The following TF variants were observed in gnomAD, a reference collection of about 807,000 sequenced individuals.
TF encodes serotransferrin.
TF carries 55 observed loss-of-function variants against 82.4 expected under a neutral mutation model. The observed-to-expected ratio is 0.67, with a 90% CI of 0.54 to 0.84. The LOEUF (loss-of-function observed/expected upper bound fraction) is 0.84, where lower values mean the gene tolerates loss of function less well. TF is among the 40% of genes least tolerant of loss of function. The pLI, the probability that TF is intolerant of heterozygous loss-of-function variation, is 0.00. For missense variants in TF, 737 were observed against 868.4 expected (o/e 0.85, Z 1.90); for synonymous variants, 332 against 332.6 (o/e 1.00, Z 0.02).
chr3:133,735,291 G>C, the TF span, among the ~76,000 whole-genome samples: 2 of 145,962 alleles, frequency 1.4e-5, no homozygotes, highest in Admixed American at 7.0e-5. Context: ...AGTGAGCCAA[G>C]ATCACACCAC....
At position 133,754,503 on chromosome 3, in the gene TF, A is replaced by G. The variant is rs199624323; in HGVS notation, c.334A>G (p.Thr112Ala). 56 of 1,613,948 alleles carry G rather than the reference A, an allele frequency of 3.5e-5. No homozygotes were observed. Among genetic ancestry groups the G allele is most frequent in the African/African-American group, 5.3e-5 (4 of 74,870 alleles). ...ACACTGTGCCTTTGCAGATCCACAGACTTTCTATTATGCTGTTGCTGTGGT... is the reference window on the plus strand; with the variant it reads ...ACACTGTGCCTTTGCAGATCCACAGGCTTTCTATTATGCTGTTGCTGTGGT... ...EFYGSKEDPQ[T>A]FYYAVAVVKK... Residue 112 changes from threonine (T) to alanine (A), a missense_variant, in exon 4 of 17, where the codon ACT (threonine) becomes GCT (alanine). Coordinates refer to ENST00000402696, the MANE Select transcript of TF (RefSeq NM_001063.4).
chr3:133,744,412 C>T (rs1933451682), upstream of TF, among the ~76,000 whole-genome samples: 1 of 152,234 alleles, frequency 6.6e-6, no homozygotes, highest in South Asian at 2.1e-4. Context: ...CCTGTCCATG[C>T]ATCAGCTGTA....
chr3:133,740,629 C>A, the TF span, among the ~76,000 whole-genome samples: 1 of 152,212 alleles, frequency 6.6e-6, no homozygotes, highest in East Asian at 1.9e-4. Flanking sequence ...CCGTGCCCAG[C>A]CTCTTTTGCA....
At chr3:133,753,830 A>G in intron 3 of TF, 127 bp downstream of exon 3, 1 of 815,846 alleles carries the variant, frequency 1.2e-6, no homozygotes, top group Admixed American at 2.0e-5. Flanking sequence ...TGAGTAGAGA[A>G]TGAGGGGCCC....
At chr3:133,774,416 A>T (rs1325916770) in intron 14 of TF, 2 of 152,282 alleles carry the variant, frequency 1.3e-5, no homozygotes, top group Non-Finnish European at 2.9e-5. Context: ...GTAGTTAAGA[A>T]GAACGAGCTT....
chr3:133,772,563 A>G (rs1180383080), intron 14 of TF, among the ~76,000 whole-genome samples: 5 of 152,328 alleles, frequency 3.3e-5, no homozygotes, highest in South Asian at 4.1e-4. Context: ...TACAATCCAT[A>G]TACAACTCAA....
chr3:133,733,413 T>C, the TF span, among the ~76,000 whole-genome samples: 2 of 152,206 alleles, frequency 1.3e-5, no homozygotes, highest in Admixed American at 1.3e-4. Flanking sequence ...CTGTAAATAG[T>C]GTGTCAGGGA....
chr3:133,696,295 CA>C, the TF span, among the ~76,000 whole-genome samples: 193 of 142,294 alleles, frequency 1.4e-3, no homozygotes, highest in East Asian at 2.9e-3. Context: ...GACCCTGTCT[CA>C]AAAAAAAAAA....
chr3:133,733,504 T>C, the TF span, among the ~76,000 whole-genome samples: 3 of 152,192 alleles, frequency 2.0e-5, no homozygotes, highest in Non-Finnish European at 4.4e-5. Flanking sequence ...TGCGCTGGGC[T>C]CCAGGGTCAG....
chr3:133,767,972 TA>T lies in TF; in HGVS notation c.1487-53del. ...CCATGCAGCCCTGTTATCTCTTAAA[TA>T]AAAGCTGCTTGCATTGACTCAGGAA... is the stretch of plus-strand genomic sequence containing the variant. On this transcript the variant is annotated intron_variant, in intron 12 of 16. Coordinates refer to ENST00000402696, the MANE Select transcript of TF (RefSeq NM_001063.4). 3 of 1,610,940 alleles carry T rather than the reference TA, an allele frequency of 1.9e-6. No homozygotes were observed. In the South Asian group the frequency reaches 3.3e-5, roughly 18 times the overall value.
At chr3:133,708,139 A>G in the TF span, among the ~76,000 whole-genome samples, 2 of 152,192 alleles carry the variant, frequency 1.3e-5, no homozygotes, top group Admixed American at 6.5e-5. Flanking sequence ...TTAGTAGGGG[A>G]AAATGGGCCA....
upstream of TF, among the ~76,000 whole-genome samples, chr3:133,741,410 T>C (rs1442138081): frequency 6.6e-6 from 1 of 152,216 alleles, no homozygotes; most frequent in African/African-American, 2.4e-5. Context: ...ACTTACTATT[T>C]CTTTTTCTTG....
the TF span, among the ~76,000 whole-genome samples, chr3:133,672,825 GAA>G: frequency 2.7e-5 from 4 of 145,988 alleles, no homozygotes; most frequent in African/African-American, 1.0e-4. Flanking sequence ...GAAAAAGAAA[GAA>G]AAAAGAGAAT....
chr3:133,753,777 A>C (rs952875283), intron 3 of TF, 74 bp downstream of exon 3: 2 of 1,251,596 alleles, frequency 1.6e-6, no homozygotes, highest in Middle Eastern at 1.8e-4. Flanking sequence ...TTTTACAGGC[A>C]GGTTTTGGAT....
intron 11 of TF, among the ~76,000 whole-genome samples, chr3:133,765,703 T>TA (rs1934110873): frequency 6.6e-6 from 1 of 152,224 alleles, no homozygotes; most frequent in African/African-American, 2.4e-5. Flanking sequence ...TAATCTGAAT[T>TA]AAACTGGCAA....
chr3:133,727,947 GA>G, the TF span, among the ~76,000 whole-genome samples: 6 of 152,082 alleles, frequency 3.9e-5, no homozygotes, highest in Non-Finnish European at 7.4e-5. Context: ...ATTCTGGATT[GA>G]AAATTCTTTT....
At chr3:133,683,527 C>CA in the TF span, among the ~76,000 whole-genome samples, 25 of 150,390 alleles carry the variant, frequency 1.7e-4, no homozygotes, top group Non-Finnish European at 2.4e-4. Flanking sequence ...AAATGGGAAA[C>CA]AAAAAAAAAG....
At position 133,794,818 on chromosome 3, in the gene TF, A is replaced by G. The variant is rs1035015393; in HGVS notation, c.*16198A>G. 6.6e-6 allele frequency: 1 copy of G among 152,228 alleles called. No individual in the cohort carries two copies. The highest frequency in any genetic ancestry group is 1.5e-5 in the Non-Finnish European group (1 of 68,042). The allele number at this position is 152,228 out of a possible 1,614,324, so 9.4% of individuals were successfully genotyped here. On this transcript the variant is annotated 3_prime_UTR_variant, in exon 17 of 17. Transcript: ENST00000402696. ...GAATCAAGACTTCTCTATTATCATG[A>G]GACTCTTATCTTTGAATATTTTTTC... is the stretch of plus-strand genomic sequence containing the variant.
At chr3:133,772,702 C>T (rs951506384) in intron 14 of TF, 12 of 123,564 alleles carry the variant, frequency 9.7e-5, no homozygotes, top group African/African-American at 2.6e-4. Flanking sequence ...TTCTTCAAAA[C>T]GTGTCTTTTT....
Sources: gnomAD v4.1 joint callset for allele counts (sites outside exome capture counted in the v4.1 genomes callset) on GRCh38, gnomAD v4.1.1 for gene constraint, MANE v1.5 for transcripts, NCBI Gene and HGNC (gene_info 2026-07-23, HGNC 2026-07-21) for gene names.